Variants in ACACA observed in about 807,000 individuals in gnomAD.
The protein encoded by ACACA is acetyl-CoA carboxylase alpha, also known as acetyl-CoA carboxylase 1.
ACACA carries 103 observed loss-of-function variants against 296.1 expected under a neutral mutation model. That is an observed-to-expected ratio of 0.35 (90% CI 0.30 to 0.41). ACACA has a LOEUF of 0.41. ACACA is among the 10% of genes least tolerant of loss of function. ACACA has a pLI of 1.00. For missense variants in ACACA, 1,554 were observed against 2,989.7 expected, an observed-to-expected ratio of 0.52 and a Z score of 11.20; for synonymous variants, 953 against 1,038.6, an observed-to-expected ratio of 0.92 and a Z score of 1.58.
chr17:37,329,351 T>C (rs934507662), intron 3 of ACACA, among the ~76,000 whole-genome samples: 3 of 152,090 alleles, frequency 2.0e-5, no homozygotes, highest in African/African-American at 7.2e-5. Context: ...ACCTAGCAGG[T>C]AGAAGTGGCC....
At chr17:37,327,514 C>A (rs2047675949) in intron 3 of ACACA, among the ~76,000 whole-genome samples, 1 of 152,204 alleles carries the variant, frequency 6.6e-6, no homozygotes, top group Admixed American at 6.5e-5. Context: ...GTAAGGCATG[C>A]AAAGAAATTC....
chr17:37,341,955 A>G (rs1001849556), intron 1 of ACACA, among the ~76,000 whole-genome samples: 1 of 152,150 alleles, frequency 6.6e-6, no homozygotes, highest in Non-Finnish European at 1.5e-5. Context: ...CTCCAGAAAG[A>G]GGACTAAAAA....
intron 1 of ACACA, among the ~76,000 whole-genome samples, chr17:37,352,447 A>G (rs768750534): frequency 1.3e-5 from 2 of 152,230 alleles, no homozygotes; most frequent in African/African-American, 2.4e-5. Context: ...GAACTGGCTC[A>G]TGGCTGTATA....
At chr17:37,394,044 AAGG>A (rs1226932674) in intron 1 of ACACA, among the ~76,000 whole-genome samples, 1 of 152,086 alleles carries the variant, frequency 6.6e-6, no homozygotes, top group Non-Finnish European at 1.5e-5. Flanking sequence ...GCAGAGGAGA[AAGG>A]AGAACTCCTG....
chr17:37,102,894 G>A (rs1453030626), intron 52 of ACACA, among the ~76,000 whole-genome samples: 1 of 152,182 alleles, frequency 6.6e-6, no homozygotes, highest in African/African-American at 2.4e-5. Context: ...AGATTGCAGG[G>A]CATTCCTCCA....
intron 33 of ACACA, among the ~76,000 whole-genome samples, chr17:37,203,048 C>T (rs2078339571): frequency 6.6e-6 from 1 of 151,684 alleles, no homozygotes; most frequent in Admixed American, 6.6e-5. Context: ...CAGCAACCTC[C>T]GCCCCCAGGT....
At chr17:37,174,959 TACA>T (rs2077054701) in intron 41 of ACACA, among the ~76,000 whole-genome samples, 2 of 152,210 alleles carry the variant, frequency 1.3e-5, no homozygotes, top group African/African-American at 4.8e-5. Flanking sequence ...TGCTTCCAAA[TACA>T]ACATCGCAAC....
rs781233779 is a variant in ACACA at position 37,088,888 on chromosome 17, C to CAAAG, written c.7028+46_7028+49dup. ...TGATTTGTTTGGAAACTTTTTATTC[C>CAAAG]AAAGAAATTAGCCCTCCTTCTCTAG... On this transcript the variant is annotated intron_variant, in intron 55 of 55. Coordinates refer to ENST00000616317, the MANE Select transcript of ACACA (RefSeq NM_198834.3). 3.1e-6 allele frequency: 5 copies of CAAAG among 1,608,656 alleles called. No homozygotes were observed. The East Asian group carries it at 8.9e-5, about 29-fold the overall frequency.
At chr17:37,245,931 C>A (rs936801997) in intron 19 of ACACA, among the ~76,000 whole-genome samples, 1 of 152,122 alleles carries the variant, frequency 6.6e-6, no homozygotes, top group Non-Finnish European at 1.5e-5. Context: ...CTTGTCCCTC[C>A]CCATTAAACC....
intron 48 of ACACA, 61 bp from the exon 49 acceptor site, chr17:37,122,688 T>C: frequency 7.1e-7 from 1 of 1,417,522 alleles, no homozygotes; most frequent in South Asian, 1.1e-5. Flanking sequence ...TAGCCATTTG[T>C]TTTCCAATCC....
intron 33 of ACACA, among the ~76,000 whole-genome samples, chr17:37,200,898 A>G (rs2078217101): frequency 6.6e-6 from 1 of 152,194 alleles, no homozygotes; most frequent in Admixed American, 6.5e-5. Context: ...GACTTTCCAT[A>G]AAACATAAAA....
chr17:37,111,702 C>A, intron 51 of ACACA, 59 bp from the exon 52 acceptor site: 1 of 1,305,302 alleles, frequency 7.7e-7, no homozygotes, highest in South Asian at 1.2e-5. Context: ...AGGAAGGAGA[C>A]AACAGAATGA....
rs78319793 is a variant in ACACA at position 37,236,886 on chromosome 17, T to C, written c.3122-1787A>G. ...CAAAACAGTTTAATTATGAAATATA[T>C]ATACAGAAGAATATATAGAATATAT... is the stretch of plus-strand genomic sequence containing the variant. On this transcript the variant is annotated intron_variant, in intron 24 of 55. Transcript: ENST00000616317. Among the ~76,000 whole-genome samples the C allele has an allele frequency of 8.1e-3, 1,231 of 152,250 alleles. 7 individuals carry two copies. Among genetic ancestry groups the C allele is most frequent in the Middle Eastern group, 0.027 (8 of 294 alleles).
At chr17:37,176,306 G>C (rs1748599503) in intron 41 of ACACA, among the ~76,000 whole-genome samples, 1 of 152,168 alleles carries the variant, frequency 6.6e-6, no homozygotes, top group South Asian at 2.1e-4. Flanking sequence ...TGATGACCTG[G>C]TAGAGCCGTC....
chr17:37,152,813 G>A (rs1034763291), intron 43 of ACACA, among the ~76,000 whole-genome samples: 6 of 152,174 alleles, frequency 3.9e-5, no homozygotes, highest in South Asian at 2.1e-4. Flanking sequence ...TAATAAATAA[G>A]TACCCCATAG....
At chr17:37,102,625 T>C (rs2073431910) in intron 52 of ACACA, among the ~76,000 whole-genome samples, 1 of 152,178 alleles carries the variant, frequency 6.6e-6, no homozygotes, top group South Asian at 2.1e-4. Flanking sequence ...GTGGCCACTA[T>C]AGGGAAACCA....
At chr17:37,322,881 G>A (rs555250308) in intron 3 of ACACA, among the ~76,000 whole-genome samples, 1 of 152,222 alleles carries the variant, frequency 6.6e-6, no homozygotes, top group African/African-American at 2.4e-5. Context: ...CATCCATGTC[G>A]CTGAGAGCCA....
In ACACA at chr17:37,261,874, G is replaced by A. The variant is rs544641126; in HGVS notation, c.1329+1811C>T. Among the ~76,000 whole-genome samples the A allele has an allele frequency of 2.6e-5, 4 of 152,160 alleles. No homozygotes were observed. In the South Asian group the frequency reaches 6.2e-4, roughly 24 times the overall value. Reference sequence around the variant, plus strand: ...GTTATCCTGTTCCTATTCCATCATTGTATATGGGTGTATGGTGAAGGCAGG... The same window carrying A: ...GTTATCCTGTTCCTATTCCATCATTATATATGGGTGTATGGTGAAGGCAGG... On this transcript the variant is annotated intron_variant, in intron 11 of 55. Transcript: ENST00000616317.
At chr17:37,200,274 T>A in intron 34 of ACACA, 91 bp from the exon 35 acceptor site, 1 of 1,383,204 alleles carries the variant, frequency 7.2e-7, no homozygotes, top group South Asian at 1.2e-5. Flanking sequence ...AGATGATGAG[T>A]TAAACTAATG....
Sources: gnomAD v4.1 joint callset for allele counts (sites outside exome capture counted in the v4.1 genomes callset) on GRCh38, gnomAD v4.1.1 for gene constraint, MANE v1.5 for transcripts, NCBI Gene and HGNC (gene_info 2026-07-23, HGNC 2026-07-21) for gene names.